PTBP3: variants seen among roughly 807,000 people sequenced by gnomAD.
The protein encoded by PTBP3 is polypyrimidine tract-binding protein 3.
Under a neutral mutation model 58.7 loss-of-function variants are expected in PTBP3, and 20 were observed. That is an observed-to-expected ratio of 0.34 (90% CI 0.24 to 0.50). PTBP3 has a LOEUF of 0.50. PTBP3 is among the 20% of genes least tolerant of loss of function. The pLI is 0.98. For synonymous variants in PTBP3, 185 were observed against 219.8 expected (o/e 0.84, Z 1.40); for missense variants, 509 against 637.2 (o/e 0.80, Z 2.17).
rs1411843044 is a variant in PTBP3 at position 112,297,723 on chromosome 9, T to C, written c.34+109A>G. ...ACTTTACCGAAACAAATTTTAGCTT[T>C]TGTTATGAACAGTGGCACTTCAACA... On this transcript the variant is annotated intron_variant, in intron 2 of 13. Transcript: ENST00000374257. The C allele has an allele frequency of 1.4e-5, 12 of 866,130 alleles. No individual in the cohort carries two copies. In the African/African-American group the frequency reaches 1.9e-4, roughly 14 times the overall value. The allele number at this position is 866,130 out of a possible 1,614,324, so 53.7% of individuals were successfully genotyped here.
intron 10 of PTBP3, among the ~76,000 whole-genome samples, chr9:112,229,392 C>A (rs1465584299): frequency 6.6e-6 from 1 of 151,710 alleles, no homozygotes; most frequent in African/African-American, 2.4e-5. Flanking sequence ...GGGGAAACCC[C>A]GTCTCTACCA....
chr9:112,247,690 C>T (rs7032985), intron 7 of PTBP3, among the ~76,000 whole-genome samples: 42,977 of 151,982 alleles, frequency 0.28, 6,885 homozygotes, highest in South Asian at 0.4. Context: ...ACTCTAGCCT[C>T]GAAGACAGAG....
Position 112,233,265 on chromosome 9 carries a change from A to C in PTBP3, c.881-1027T>G, listed in dbSNP as rs1564393044. On this transcript the variant is annotated intron_variant, in intron 8 of 13. Transcript: ENST00000374257. ...TGAGCTAAGAGCACAGTTGAGCTAC[A>C]CTGTAGGGTGTGTGTGTGTGTGTGT... Among the ~76,000 whole-genome samples the C allele has an allele frequency of 2.1e-5, 3 of 141,722 alleles. No individual in the cohort carries two copies. The South Asian group carries it at 7.0e-4, about 33-fold the overall frequency. 93.0% of individuals were successfully genotyped at this position (141,722 alleles called of 152,430 possible). A position where few individuals can be genotyped will look rare whatever the true frequency, so the allele number is the denominator to read the frequency against.
the PTBP3 span, among the ~76,000 whole-genome samples, chr9:112,369,663 T>C: frequency 6.6e-6 from 1 of 152,170 alleles, no homozygotes; most frequent in South Asian, 2.1e-4. Flanking sequence ...CTTCAGACTA[T>C]GAACTTTTGA....
intron 7 of PTBP3, among the ~76,000 whole-genome samples, chr9:112,236,791 G>A (rs1358703549): frequency 6.6e-6 from 1 of 152,084 alleles, no homozygotes; most frequent in African/African-American, 2.4e-5. Flanking sequence ...ATGGCATTAA[G>A]GGTTTATATC....
chr9:112,246,150 T>C (rs918563588), intron 7 of PTBP3, among the ~76,000 whole-genome samples: 2 of 151,738 alleles, frequency 1.3e-5, no homozygotes, highest in African/African-American at 4.8e-5. Flanking sequence ...GCCTAGCTAA[T>C]TTTTGTATTT....
chr9:112,323,578 T>C (rs371510221), intron 1 of PTBP3, among the ~76,000 whole-genome samples: 60 of 152,174 alleles, frequency 3.9e-4, no homozygotes, highest in African/African-American at 1.3e-3. Context: ...ACCAGAGACA[T>C]GAATGCTCTG....
the PTBP3 span, among the ~76,000 whole-genome samples, chr9:112,355,457 T>C: frequency 3.9e-5 from 6 of 152,186 alleles, no homozygotes; most frequent in African/African-American, 9.7e-5. Flanking sequence ...ATAAACTAGA[T>C]ACAAATGTAT....
rs777289109 is a variant in PTBP3, at chr9:112,220,211, G to T, written c.*3640C>A. 1.3e-5 allele frequency: 17 copies of T among 1,346,998 alleles called. No homozygotes were observed. In the South Asian group the frequency reaches 2.0e-4, roughly 16 times the overall value. 83.4% of individuals were successfully genotyped at this position (1,346,998 alleles called of 1,614,324 possible). On this transcript the variant is annotated 3_prime_UTR_variant, in exon 14 of 14. Transcript: ENST00000374257. ...AAAAATATCTCGTGGGAACAGAAGAGAAACTGCATGACAATATGCTAAACA... is the reference window on the plus strand; with the variant it reads ...AAAAATATCTCGTGGGAACAGAAGATAAACTGCATGACAATATGCTAAACA...
chr9:112,362,926 G>A, the PTBP3 span: 51 of 276,476 alleles, frequency 1.8e-4, no homozygotes, highest in African/African-American at 7.7e-4. Context: ...GCTGCCCAGC[G>A]GCTTCTGGAA....
the PTBP3 span, among the ~76,000 whole-genome samples, chr9:112,347,531 CAG>C: frequency 4.8e-3 from 734 of 152,048 alleles, 2 homozygotes; most frequent in African/African-American, 0.016. Context: ...TTTGTGGAAA[CAG>C]GGTTCTGCCG....
the PTBP3 span, among the ~76,000 whole-genome samples, chr9:112,361,328 A>C: frequency 6.6e-6 from 1 of 151,912 alleles, no homozygotes; most frequent in Non-Finnish European, 1.5e-5. Context: ...TGAACTCCTG[A>C]CCTCAGGTGA....
chr9:112,233,385 TATTA>T (rs1169024598), intron 8 of PTBP3, among the ~76,000 whole-genome samples: 6 of 151,608 alleles, frequency 4.0e-5, no homozygotes, highest in South Asian at 4.2e-4. Flanking sequence ...TCTTTCTTAA[TATTA>T]ATTAATATTT....
chr9:112,242,047 A>G (rs1371725814), intron 7 of PTBP3, among the ~76,000 whole-genome samples: 1 of 152,198 alleles, frequency 6.6e-6, no homozygotes, highest in East Asian at 1.9e-4. Context: ...GAATACTTCT[A>G]GATTTTGGCT....
intron 1 of PTBP3, among the ~76,000 whole-genome samples, chr9:112,320,528 AC>A (rs1261840710): frequency 4.6e-5 from 7 of 151,882 alleles, no homozygotes; most frequent in Non-Finnish European, 8.8e-5. Context: ...AGGGAAAATC[AC>A]AGCTTTGTCT....
chr9:112,332,914 G>A (rs1228570391), intron 1 of PTBP3: 1 of 1,567,802 alleles, frequency 6.4e-7, no homozygotes, highest in Admixed American at 1.8e-5. Flanking sequence ...GGGAGACCTC[G>A]GCCAAGTCCC....
Position 112,223,741 on chromosome 9 carries a change from C to CAAAA in PTBP3, c.*109_*110insTTTT. On this transcript the variant is annotated 3_prime_UTR_variant, in exon 14 of 14. Transcript: ENST00000374257. ...TTAAAATATACTTGAATATCAAACT[C>CAAAA]AGAGTTATTTTTGTGAAAGAGGCAA... The CAAAA allele has an allele frequency of 6.7e-7, 1 of 1,490,080 alleles. No individual in the cohort carries two copies. The highest frequency in any genetic ancestry group is 8.9e-7 in the Non-Finnish European group (1 of 1,119,618). The allele number at this position is 1,490,080 out of a possible 1,614,324, so 92.3% of individuals were successfully genotyped here.
chr9:112,239,409 G>T (rs2132018238), intron 7 of PTBP3, among the ~76,000 whole-genome samples: 1 of 152,188 alleles, frequency 6.6e-6, no homozygotes, highest in Non-Finnish European at 1.5e-5. Flanking sequence ...TAAGTTAATT[G>T]TATGGCATGT....
chr9:112,333,486 T>C lies in PTBP3; in HGVS notation c.-68A>G. On this transcript the variant is annotated 5_prime_UTR_variant, in exon 1 of 14. Coordinates refer to ENST00000374257, the MANE Select transcript of PTBP3 (RefSeq NM_001163788.4). ...AGTACTTACCCATCCATGGCCCAGA[T>C]GGAGGCGCGCACAGAGCAGGGACTG... 6.3e-7 allele frequency: 1 copy of C among 1,592,124 alleles called. No homozygotes were observed. The highest frequency in any genetic ancestry group is 2.4e-5 in the East Asian group (1 of 42,496).
Sources: allele counts gnomAD v4.1 joint callset (sites outside exome capture counted in the v4.1 genomes callset), GRCh38; gene constraint gnomAD v4.1.1; transcripts MANE v1.5; gene names NCBI Gene and HGNC (gene_info 2026-07-23, HGNC 2026-07-21).